STAC: variants seen among roughly 807,000 people sequenced by gnomAD.
STAC encodes the protein SH3 and cysteine-rich domain-containing protein.
A neutral mutation model predicts 48.8 loss-of-function variants in STAC; 43 were observed. The ratio of observed to expected loss-of-function variants is 0.88; its 90% CI spans 0.69 to 1.14. The LOEUF (loss-of-function observed/expected upper bound fraction) is 1.14. Ranked by LOEUF, STAC falls within the 50% of genes most tolerant of loss-of-function variation. The pLI, the probability that STAC is intolerant of heterozygous loss-of-function variation, is 0.00. For synonymous variants in STAC, 193 were observed against 179.5 expected (o/e 1.07, Z -0.60); for missense variants, 497 against 504.0 (o/e 0.99, Z 0.13).
At chr3:36,387,806 A>G (rs1400980054) in intron 1 of STAC, among the ~76,000 whole-genome samples, 14 of 152,074 alleles carry the variant, frequency 9.2e-5, no homozygotes. Flanking sequence ...GGGTGTGCAA[A>G]TACTTGTTGA....
At chr3:36,524,889 A>G (rs905319315) in intron 8 of STAC, among the ~76,000 whole-genome samples, 2 of 152,172 alleles carry the variant, frequency 1.3e-5, no homozygotes, top group African/African-American at 4.8e-5. Context: ...CTATAGTGAA[A>G]AAGAGGCATT....
chr3:36,479,218 A>G (rs543275338), intron 2 of STAC, among the ~76,000 whole-genome samples: 2 of 152,342 alleles, frequency 1.3e-5, no homozygotes, highest in East Asian at 1.9e-4. Flanking sequence ...ACCTTCATAC[A>G]TGTTAATAAT....
intron 8 of STAC, among the ~76,000 whole-genome samples, chr3:36,513,949 A>G (rs1698604289): frequency 6.6e-6 from 1 of 152,100 alleles, no homozygotes; most frequent in Admixed American, 6.6e-5. Context: ...TTTAAGTCCT[A>G]GCCAAGCCAC....
intron 6 of STAC, among the ~76,000 whole-genome samples, chr3:36,498,878 G>T (rs1007683034): frequency 2.0e-5 from 3 of 152,092 alleles, no homozygotes; most frequent in Non-Finnish European, 2.9e-5. Flanking sequence ...CTAGACGTAG[G>T]TTGCTGAAAC....
intron 8 of STAC, among the ~76,000 whole-genome samples, chr3:36,517,005 A>G (rs1239881225): frequency 1.3e-5 from 2 of 152,226 alleles, no homozygotes; most frequent in Non-Finnish European, 2.9e-5. Context: ...ACCTTGTCCA[A>G]CTGGTCCAGC....
intron 1 of STAC, among the ~76,000 whole-genome samples, chr3:36,398,320 C>A (rs139235217): frequency 0.34 from 27,474 of 81,872 alleles, 4,668 homozygotes; most frequent in East Asian, 0.44. Flanking sequence ...AGAAAGAAAG[C>A]AAGAAAGAAA....
intron 2 of STAC, among the ~76,000 whole-genome samples, chr3:36,479,183 C>G (rs1185488895): frequency 2.0e-5 from 3 of 152,178 alleles, no homozygotes; most frequent in South Asian, 2.1e-4. Context: ...CTGAACCCCT[C>G]AAGATTGGAA....
At chr3:36,510,311 C>A (rs555697063) in intron 8 of STAC, among the ~76,000 whole-genome samples, 285 of 152,224 alleles carry the variant, frequency 1.9e-3, no homozygotes, top group African/African-American at 6.5e-3. Flanking sequence ...ACAACAGATG[C>A]TGGAGAGGAT....
chr3:36,537,957 A>T (rs1699237643), intron 10 of STAC, among the ~76,000 whole-genome samples: 1 of 152,044 alleles, frequency 6.6e-6, no homozygotes. Context: ...CTTTAAAAAA[A>T]AACAGAAAAA....
intron 2 of STAC, among the ~76,000 whole-genome samples, chr3:36,472,485 A>G (rs1273647310): frequency 6.6e-6 from 1 of 152,254 alleles, no homozygotes; most frequent in Non-Finnish European, 1.5e-5. Flanking sequence ...TTTCTATAGC[A>G]TAGTGCGGCT....
At chr3:36,476,800 T>G (rs1009450569) in intron 2 of STAC, among the ~76,000 whole-genome samples, 6 of 152,224 alleles carry the variant, frequency 3.9e-5, no homozygotes, top group Non-Finnish European at 8.8e-5. Flanking sequence ...CTGAAAATTA[T>G]CCATTGCTTT....
At chr3:36,459,284 T>C in intron 2 of STAC, 1 of 152,124 alleles carries the variant, frequency 6.6e-6, no homozygotes, top group East Asian at 1.9e-4. Flanking sequence ...CCAAAGCATA[T>C]ACAAAGTACT....
chr3:36,503,226 T>C (rs1219052629), intron 6 of STAC, among the ~76,000 whole-genome samples: 1 of 152,192 alleles, frequency 6.6e-6, no homozygotes, highest in Non-Finnish European at 1.5e-5. Flanking sequence ...CTTTATTATA[T>C]AAACTTGGAA....
chr3:36,391,905 T>G (rs778228235), intron 1 of STAC, among the ~76,000 whole-genome samples: 1 of 152,140 alleles, frequency 6.6e-6, no homozygotes, highest in Non-Finnish European at 1.5e-5. Flanking sequence ...AAGAAAGGAA[T>G]AAAGAAGGAA....
At chr3:36,499,927 C>T (rs925587888) in intron 6 of STAC, among the ~76,000 whole-genome samples, 42 of 151,592 alleles carry the variant, frequency 2.8e-4, no homozygotes, top group Non-Finnish European at 4.4e-5. Flanking sequence ...GAAAGCATTA[C>T]TAGAATTTAA....
intron 10 of STAC, among the ~76,000 whole-genome samples, chr3:36,542,994 C>A (rs1435476418): frequency 6.6e-6 from 1 of 152,114 alleles, no homozygotes; most frequent in African/African-American, 2.4e-5. Context: ...CTAACTGTAC[C>A]TGATGAGTAA....
At chr3:36,467,102 C>A (rs932901871) in intron 2 of STAC, among the ~76,000 whole-genome samples, 1 of 151,756 alleles carries the variant, frequency 6.6e-6, no homozygotes, top group Non-Finnish European at 1.5e-5. Flanking sequence ...TTGAGATGAT[C>A]GTGTAATTTT....
chr3:36,505,396 T>C, intron 7 of STAC, among the ~76,000 whole-genome samples: 1 of 152,162 alleles, frequency 6.6e-6, no homozygotes, highest in Middle Eastern at 3.2e-3. Context: ...CTACTATTCA[T>C]GTGTCCCTCT....
At chr3:36,455,703 C>T (rs1050414075) in intron 2 of STAC, among the ~76,000 whole-genome samples, 11 of 151,718 alleles carry the variant, frequency 7.3e-5, no homozygotes, top group African/African-American at 2.2e-4. Context: ...AGAACTGGGC[C>T]GGTAGTATAA....
Sources: allele counts gnomAD v4.1 joint callset (sites outside exome capture counted in the v4.1 genomes callset), GRCh38; gene constraint gnomAD v4.1.1; transcripts MANE v1.5; gene names NCBI Gene and HGNC (gene_info 2026-07-23, HGNC 2026-07-21).